F13A1: variants seen among roughly 807,000 people sequenced by gnomAD.
F13A1 encodes FSF, A subunit.
A neutral mutation model predicts 80.1 loss-of-function variants in F13A1; 47 were observed. The ratio of observed to expected loss-of-function variants is 0.59; its 90% confidence interval spans 0.46 to 0.75. F13A1 has a LOEUF of 0.75. Ranked by LOEUF, F13A1 falls within the 30% of genes least tolerant of loss-of-function variation. The probability of loss-of-function intolerance (pLI) is 0.00; values close to 1 mark genes in which losing one functional copy is unlikely to be tolerated. For missense variants in F13A1, 817 were observed against 930.4 expected (o/e 0.88, Z 1.59); for synonymous variants, 349 against 344.9 (o/e 1.01, Z -0.13).
At chr6:6,167,416 C>A in intron 13 of F13A1, 42 bp downstream of exon 13, 4 of 1,604,594 alleles carry the variant, frequency 2.5e-6, no homozygotes, top group South Asian at 1.1e-5. Context: ...ACTAAGTCTG[C>A]GTGCCTTTGT....
At chr6:6,266,940 A>G in intron 3 of F13A1, 131 bp from the exon 4 acceptor site, 1 of 1,340,714 alleles carries the variant, frequency 7.5e-7, no homozygotes. Context: ...GAAACATACA[A>G]ATCAGGCAAG....
chr6:6,182,218 G>A (rs1486802193), intron 10 of F13A1, 77 bp from the exon 11 acceptor site: 24 of 1,501,756 alleles, frequency 1.6e-5, no homozygotes, highest in Non-Finnish European at 2.1e-5. Context: ...CCATAGAGCA[G>A]TCGTCTAGAG....
chr6:6,319,653 T>C (rs939592390), intron 1 of F13A1, among the ~76,000 whole-genome samples: 1 of 152,092 alleles, frequency 6.6e-6, no homozygotes, highest in African/African-American at 2.4e-5. Flanking sequence ...TTGGCTATTT[T>C]CAAAAACCAG....
At chr6:6,150,984 A>G (rs13195074) in intron 14 of F13A1, among the ~76,000 whole-genome samples, 32,272 of 152,088 alleles carry the variant, frequency 0.21, 3,505 homozygotes, top group Middle Eastern at 0.28. Context: ...TCAGATGGAA[A>G]AGAGATGGGC....
intron 4 of F13A1, among the ~76,000 whole-genome samples, chr6:6,260,995 G>A: frequency 6.6e-6 from 1 of 152,152 alleles, no homozygotes; most frequent in East Asian, 1.9e-4. Flanking sequence ...TTGAGATGGA[G>A]TCTCACTCTG....
At chr6:6,237,631 A>T (rs1160124478) in intron 6 of F13A1, among the ~76,000 whole-genome samples, 1 of 152,134 alleles carries the variant, frequency 6.6e-6, no homozygotes, top group East Asian at 1.9e-4. Context: ...GGGAATCTTT[A>T]CTTATCACCT....
chr6:6,201,382 C>A (rs1761391591), intron 8 of F13A1, among the ~76,000 whole-genome samples: 1 of 152,118 alleles, frequency 6.6e-6, no homozygotes, highest in East Asian at 1.9e-4. Flanking sequence ...CAGGAACTTG[C>A]AGGCAGTGGG....
At position 6,295,441 on chromosome 6, in the gene F13A1, C is replaced by A. The variant is rs1434811098; in HGVS notation, c.319+9910G>T. ...GACTTTTTAATGATTGCCATTCTAACTGGTGTGAGATGGCATCTCATTGTG... is the reference window on the plus strand; with the variant it reads ...GACTTTTTAATGATTGCCATTCTAAATGGTGTGAGATGGCATCTCATTGTG... On this transcript the variant is annotated intron_variant, in intron 3 of 14. Transcript: ENST00000264870. 1.4e-5 allele frequency among the ~76,000 whole-genome samples: 2 copies of A among 147,566 alleles called. 1 individual carries two copies. Among genetic ancestry groups the A allele is most frequent in the Admixed American group, 1.3e-4 (2 of 14,964 alleles).
At chr6:6,317,308 CTT>C in intron 2 of F13A1, among the ~76,000 whole-genome samples, 1 of 152,180 alleles carries the variant, frequency 6.6e-6, no homozygotes, top group Admixed American at 6.5e-5. Context: ...AGCAAGTCCT[CTT>C]AAACTCAGTT....
At chr6:6,280,233 G>A (rs1373748181) in intron 3 of F13A1, among the ~76,000 whole-genome samples, 1 of 152,198 alleles carries the variant, frequency 6.6e-6, no homozygotes, top group Non-Finnish European at 1.5e-5. Flanking sequence ...ACAGGGTGGT[G>A]AATGTGCTGA....
chr6:6,184,747 C>G (rs1040613342), intron 10 of F13A1, among the ~76,000 whole-genome samples: 21 of 152,128 alleles, frequency 1.4e-4, no homozygotes, highest in South Asian at 2.1e-4. Context: ...TTCCTGCCCC[C>G]CCACCTTGAA....
At chr6:6,172,504 G>C (rs1760794581) in intron 12 of F13A1, among the ~76,000 whole-genome samples, 1 of 150,798 alleles carries the variant, frequency 6.6e-6, no homozygotes, top group Non-Finnish European at 1.5e-5. Flanking sequence ...GGAGTGCAGT[G>C]GCACGATCTT....
At chr6:6,195,056 G>C (rs1303056448) in intron 10 of F13A1, among the ~76,000 whole-genome samples, 1 of 152,220 alleles carries the variant, frequency 6.6e-6, no homozygotes, top group Non-Finnish European at 1.5e-5. Context: ...CTGCCTCTCA[G>C]TCTTTCAAGT....
At chr6:6,218,879 T>C (rs1757143975) in intron 8 of F13A1, among the ~76,000 whole-genome samples, 1 of 152,170 alleles carries the variant, frequency 6.6e-6, no homozygotes, top group African/African-American at 2.4e-5. Context: ...CACCCTCTTG[T>C]ACTTTTCCTC....
intron 1 of F13A1, among the ~76,000 whole-genome samples, chr6:6,319,012 T>C (rs1758730455): frequency 6.6e-6 from 1 of 152,238 alleles, no homozygotes; most frequent in Non-Finnish European, 1.5e-5. Flanking sequence ...TACAGCAGCA[T>C]CTTCGCAAGA....
chr6:6,239,372 C>T (rs903380637), intron 6 of F13A1, among the ~76,000 whole-genome samples: 14 of 151,842 alleles, frequency 9.2e-5, no homozygotes, highest in Admixed American at 2.6e-4. Flanking sequence ...GTGGAAATGT[C>T]TATATTTTGA....
In F13A1 at chr6:6,167,447, C is replaced by T; in HGVS notation, c.1908+11G>A. 1 of 1,613,158 alleles carries T rather than the reference C, an allele frequency of 6.2e-7. No individual in the cohort carries two copies. Among genetic ancestry groups the T allele is most frequent in the Non-Finnish European group, 8.5e-7 (1 of 1,179,866 alleles). On this transcript the variant is annotated intron_variant, in intron 13 of 14. Transcript: ENST00000264870. ...TTTGTCTCTGTTCCAGGATGAGACGCTAAGACTGACCTTGATGATGATCTC... is the reference window on the plus strand; with the variant it reads ...TTTGTCTCTGTTCCAGGATGAGACGTTAAGACTGACCTTGATGATGATCTC...
Position 6,318,688 on chromosome 6 carries a change from G to GC in F13A1, c.-18-7_-18-6insG. On this transcript the variant is annotated splice_region_variant and splice_polypyrimidine_tract_variant and intron_variant, in intron 1 of 14. Transcript: ENST00000264870. ...ATTTTTGACTTTACAAGGTCCTTCA[G>GC]AAAAAAAAAAAAAAGAAGACAACAG... 1 of 1,488,494 alleles carries GC rather than the reference G, an allele frequency of 6.7e-7. No individual in the cohort carries two copies. The highest frequency in any genetic ancestry group is 9.0e-7 in the Non-Finnish European group (1 of 1,106,734). The allele number at this position is 1,488,494 out of a possible 1,614,324, so 92.2% of individuals were successfully genotyped here.
In F13A1 at chr6:6,153,523, A is replaced by C. The variant is rs549413593; in HGVS notation, c.1909-1574T>G. Reference sequence around the variant, plus strand: ...TTCTTAAGTCTATAAGAAAAACGAAACTTTCAGCCAACTCCCTAAACTTTG... The same window carrying C: ...TTCTTAAGTCTATAAGAAAAACGAACCTTTCAGCCAACTCCCTAAACTTTG... On this transcript the variant is annotated intron_variant, in intron 13 of 14. Transcript: ENST00000264870. Among the ~76,000 whole-genome samples the C allele has an allele frequency of 7.2e-5, 11 of 152,346 alleles. No homozygotes were observed. In the East Asian group the frequency reaches 1.9e-3, roughly 27 times the overall value.
Sources: allele counts gnomAD v4.1 joint callset (sites outside exome capture counted in the v4.1 genomes callset), GRCh38; gene constraint gnomAD v4.1.1; transcripts MANE v1.5; gene names NCBI Gene and HGNC (gene_info 2026-07-23, HGNC 2026-07-21).